Variants in ARB2A observed in about 807,000 individuals in gnomAD.
ARB2A encodes cotranscriptional regulator ARB2A.
At chr5:93,993,285 G>T in the ARB2A span, among the ~76,000 whole-genome samples, 1 of 152,034 alleles carries the variant, frequency 6.6e-6, no homozygotes, top group African/African-American at 2.4e-5. Context: ...CAGAGAGACA[G>T]CTGTTTTTTT....
chr5:93,891,746 A>G, the ARB2A span, among the ~76,000 whole-genome samples: 3 of 152,128 alleles, frequency 2.0e-5, no homozygotes, highest in Non-Finnish European at 2.9e-5. Context: ...AGAGACTTGT[A>G]TATTATACTC....
At chr5:94,074,355 C>A in the ARB2A span, among the ~76,000 whole-genome samples, 1 of 151,968 alleles carries the variant, frequency 6.6e-6, no homozygotes, top group Non-Finnish European at 1.5e-5. Flanking sequence ...GGTAAAGGCA[C>A]TAGCCTTGAT....
chr5:93,804,128 G>T, the ARB2A span, among the ~76,000 whole-genome samples: 1 of 151,952 alleles, frequency 6.6e-6, no homozygotes, highest in African/African-American at 2.4e-5. Context: ...ATTTTAAAAT[G>T]TGAGCTTTTA....
At chr5:93,933,135 TAA>T in the ARB2A span, among the ~76,000 whole-genome samples, 1 of 152,140 alleles carries the variant, frequency 6.6e-6, no homozygotes, top group Admixed American at 6.6e-5. Flanking sequence ...TGGCAATCAT[TAA>T]AAAGTCAGGA....
At chr5:93,838,384 C>T in the ARB2A span, among the ~76,000 whole-genome samples, 4 of 152,046 alleles carry the variant, frequency 2.6e-5, no homozygotes, top group Admixed American at 6.6e-5. Context: ...CAATACCATG[C>T]TGTTTTGGTT....
the ARB2A span, among the ~76,000 whole-genome samples, chr5:94,009,497 T>A: frequency 6.6e-6 from 1 of 152,058 alleles, no homozygotes; most frequent in Non-Finnish European, 1.5e-5. Context: ...TAAGGATGAA[T>A]CTTACCTTAC....
At chr5:93,672,921 G>A in the ARB2A span, among the ~76,000 whole-genome samples, 1 of 152,030 alleles carries the variant, frequency 6.6e-6, no homozygotes, top group East Asian at 1.9e-4. Context: ...TCAGTTTCTC[G>A]CATTTCTACT....
At chr5:93,857,666 C>T in the ARB2A span, among the ~76,000 whole-genome samples, 3 of 152,258 alleles carry the variant, frequency 2.0e-5, no homozygotes, top group East Asian at 1.9e-4. Context: ...GGGAGTGACC[C>T]GATTTTCCAG....
chr5:93,995,025 AG>A, the ARB2A span, among the ~76,000 whole-genome samples: 1 of 152,224 alleles, frequency 6.6e-6, no homozygotes, highest in Admixed American at 6.5e-5. Flanking sequence ...AATCTATTAT[AG>A]AAAGTTAAAA....
chr5:93,695,767 A>G, the ARB2A span, among the ~76,000 whole-genome samples: 1 of 152,322 alleles, frequency 6.6e-6, no homozygotes, highest in Admixed American at 6.5e-5. Flanking sequence ...TCACAATAGC[A>G]AAGACCTGGA....
chr5:93,923,763 C>G, the ARB2A span, among the ~76,000 whole-genome samples: 59 of 152,102 alleles, frequency 3.9e-4, no homozygotes, highest in Admixed American at 1.4e-3. Context: ...GGGCTATGAT[C>G]ACACCACTGC....
the ARB2A span, among the ~76,000 whole-genome samples, chr5:93,950,665 G>T: frequency 6.7e-6 from 1 of 149,924 alleles, no homozygotes; most frequent in Non-Finnish European, 1.5e-5. Context: ...AATAAAATAG[G>T]CCAGGCACAG....
At chr5:93,808,675 T>C in the ARB2A span, among the ~76,000 whole-genome samples, 1 of 152,090 alleles carries the variant, frequency 6.6e-6, no homozygotes, top group Non-Finnish European at 1.5e-5. Context: ...AAAGTTAGTA[T>C]ACAAAGCTCT....
the ARB2A span, among the ~76,000 whole-genome samples, chr5:93,962,141 A>C: frequency 6.6e-6 from 1 of 152,218 alleles, no homozygotes; most frequent in African/African-American, 2.4e-5. Context: ...TAAGGAATAC[A>C]CATAATGGTC....
the ARB2A span, among the ~76,000 whole-genome samples, chr5:93,979,127 TA>T: frequency 3.9e-5 from 6 of 152,130 alleles, no homozygotes; most frequent in Non-Finnish European, 8.8e-5. Context: ...CATAAATGTG[TA>T]AAATAATATG....
chr5:93,979,523 C>A, the ARB2A span, among the ~76,000 whole-genome samples: 3 of 151,958 alleles, frequency 2.0e-5, no homozygotes. Flanking sequence ...AATGTTGATG[C>A]TCAAATATTA....
chr5:93,916,074 A>G, the ARB2A span, among the ~76,000 whole-genome samples: 3 of 152,142 alleles, frequency 2.0e-5, no homozygotes, highest in African/African-American at 7.2e-5. Flanking sequence ...TTTTGCAGAA[A>G]AGAAACGTTT....
chr5:93,701,281 C>CA, the ARB2A span, among the ~76,000 whole-genome samples: 2 of 152,104 alleles, frequency 1.3e-5, no homozygotes, highest in African/African-American at 4.8e-5. Context: ...ATCTCAAAGT[C>CA]AAAATCAGTC....
At chr5:93,840,206 G>A in the ARB2A span, among the ~76,000 whole-genome samples, 1 of 152,080 alleles carries the variant, frequency 6.6e-6, no homozygotes, top group Non-Finnish European at 1.5e-5. Context: ...TTGTATCTTT[G>A]TTCTCACTAG....
Sources: allele counts gnomAD v4.1 joint callset (sites outside exome capture counted in the v4.1 genomes callset), GRCh38; gene constraint gnomAD v4.1.1; transcripts MANE v1.5; gene names NCBI Gene and HGNC (gene_info 2026-07-23, HGNC 2026-07-21).